The following CLVS1 variants were observed in gnomAD, a reference collection of about 807,000 sequenced individuals.
CLVS1 encodes the protein clavesin 1.
In CLVS1, 10 loss-of-function variants were observed where a neutral mutation model predicts 33.1. The ratio of observed to expected loss-of-function variants is 0.30; its 90% CI spans 0.19 to 0.51. CLVS1 has a LOEUF of 0.51. Ranked by LOEUF, CLVS1 falls within the 20% of genes least tolerant of loss-of-function variation. The probability of loss-of-function intolerance (pLI) is 0.97; values close to 1 mark genes in which losing one functional copy is unlikely to be tolerated. For missense variants in CLVS1, 343 were observed against 433.4 expected, an observed-to-expected ratio of 0.79 and a Z score of 1.85; for synonymous variants, 163 against 166.1, an observed-to-expected ratio of 0.98 and a Z score of 0.14.
intron 2 of CLVS1, among the ~76,000 whole-genome samples, chr8:61,157,463 T>G (rs1806672546): frequency 6.6e-6 from 1 of 152,184 alleles, no homozygotes; most frequent in African/African-American, 2.4e-5. Flanking sequence ...GGGTTAGCTT[T>G]ATAACTTTGA....
chr8:61,109,095 A>C (rs1241505759), intron 1 of CLVS1, among the ~76,000 whole-genome samples: 4 of 151,906 alleles, frequency 2.6e-5, no homozygotes, highest in Non-Finnish European at 5.9e-5. Flanking sequence ...GATCGGGGAG[A>C]GGGATTTGAG....
At chr8:61,046,819 T>G in the CLVS1 span, among the ~76,000 whole-genome samples, 28,659 of 150,734 alleles carry the variant, frequency 0.19, 3,625 homozygotes, top group African/African-American at 0.37. Context: ...AGAATGCTTG[T>G]GATTTTTGTA....
chr8:61,026,981 G>A, the CLVS1 span, among the ~76,000 whole-genome samples: 6 of 152,178 alleles, frequency 3.9e-5, no homozygotes, highest in African/African-American at 9.6e-5. Flanking sequence ...TCTTTCCATC[G>A]TTGCAGCTGT....
chr8:61,043,473 A>G, the CLVS1 span, among the ~76,000 whole-genome samples: 19 of 152,352 alleles, frequency 1.2e-4, no homozygotes, highest in East Asian at 3.3e-3. Context: ...ACTATTACAA[A>G]CAACCAAGTA....
chr8:61,239,817 G>A (rs761668116), intron 2 of CLVS1, among the ~76,000 whole-genome samples: 29 of 152,242 alleles, frequency 1.9e-4, no homozygotes, highest in Middle Eastern at 3.4e-3. Flanking sequence ...AAGCTTTCAC[G>A]CAATATGTAT....
intron 1 of CLVS1, among the ~76,000 whole-genome samples, chr8:61,297,443 G>A (rs921083336): frequency 1.3e-5 from 2 of 152,174 alleles, no homozygotes; most frequent in South Asian, 2.1e-4. Flanking sequence ...CTGATAGTGG[G>A]CGATAAGAGG....
At chr8:61,348,694 T>A (rs1812328840) in intron 2 of CLVS1, among the ~76,000 whole-genome samples, 1 of 152,120 alleles carries the variant, frequency 6.6e-6, no homozygotes, top group Non-Finnish European at 1.5e-5. Flanking sequence ...GGAGTGCAGG[T>A]ATCTCTTCGA....
At chr8:61,114,481 C>A (rs1469961038) in intron 1 of CLVS1, among the ~76,000 whole-genome samples, 1 of 152,228 alleles carries the variant, frequency 6.6e-6, no homozygotes, top group African/African-American at 2.4e-5. Flanking sequence ...GATAAAACCA[C>A]TCTTGCCTTT....
chr8:60,989,926 C>T, the CLVS1 span, among the ~76,000 whole-genome samples: 1 of 151,694 alleles, frequency 6.6e-6, no homozygotes, highest in Non-Finnish European at 1.5e-5. Flanking sequence ...GAGATCGAGA[C>T]CATCCTGGCT....
At chr8:61,061,266 C>A (rs918437460) in intron 1 of CLVS1, among the ~76,000 whole-genome samples, 1 of 152,116 alleles carries the variant, frequency 6.6e-6, no homozygotes, top group Admixed American at 6.5e-5. Flanking sequence ...CAGCTTGACA[C>A]CTTGGTAAGA....
At chr8:61,458,830 TA>T (rs1259188317) in intron 5 of CLVS1, among the ~76,000 whole-genome samples, 4 of 152,134 alleles carry the variant, frequency 2.6e-5, no homozygotes, top group Non-Finnish European at 5.9e-5. Context: ...ACACACAGAA[TA>T]AAATGTTGGA....
At chr8:61,471,108 A>G (rs1374234281) in intron 5 of CLVS1, among the ~76,000 whole-genome samples, 5 of 151,968 alleles carry the variant, frequency 3.3e-5, no homozygotes, top group African/African-American at 7.3e-5. Flanking sequence ...TTTCCTTTCT[A>G]TGTGTCTTCA....
In CLVS1 at chr8:61,329,203, A is replaced by C. The variant is rs184370472; in HGVS notation, c.455+28921A>C. On this transcript the variant is annotated intron_variant, in intron 2 of 5. Coordinates refer to ENST00000325897, the MANE Select transcript of CLVS1 (RefSeq NM_173519.3). ...AGGCAGCATCTTCCTACCCCTCCTC[A>C]TCTCTCTCTCTCTCTCTCTCTCTCT... Among the ~76,000 whole-genome samples, 354 of 145,166 alleles carry C rather than the reference A, an allele frequency of 2.4e-3. 2 individuals are homozygous for C. The highest frequency in any genetic ancestry group is 7.4e-3 in the African/African-American group (294 of 39,806).
chr8:60,982,236 A>G, the CLVS1 span, among the ~76,000 whole-genome samples: 1 of 152,252 alleles, frequency 6.6e-6, no homozygotes, highest in Non-Finnish European at 1.5e-5. Context: ...CTGATTGAAC[A>G]TTATGTTGAA....
chr8:61,434,718 G>C (rs1373378326), intron 3 of CLVS1, among the ~76,000 whole-genome samples: 1 of 152,160 alleles, frequency 6.6e-6, no homozygotes, highest in Non-Finnish European at 1.5e-5. Context: ...GGATTGTGGG[G>C]ACCAAGTTTT....
At chr8:61,011,354 C>T in the CLVS1 span, among the ~76,000 whole-genome samples, 1 of 152,150 alleles carries the variant, frequency 6.6e-6, no homozygotes, top group Non-Finnish European at 1.5e-5. Context: ...TTAGAAAACA[C>T]GTTAAAAAAT....
intron 2 of CLVS1, among the ~76,000 whole-genome samples, chr8:61,225,956 A>G (rs1808319912): frequency 6.6e-6 from 1 of 152,244 alleles, no homozygotes; most frequent in African/African-American, 2.4e-5. Context: ...AAGTATGTCC[A>G]CTACTTCCAA....
chr8:61,381,322 A>G (rs1813868537), intron 3 of CLVS1, among the ~76,000 whole-genome samples: 1 of 152,208 alleles, frequency 6.6e-6, no homozygotes, highest in Non-Finnish European at 1.5e-5. Flanking sequence ...TAGTCCAGGT[A>G]GGATGGAACA....
chr8:61,315,384 C>T (rs1406094701), intron 2 of CLVS1, among the ~76,000 whole-genome samples: 3 of 152,138 alleles, frequency 2.0e-5, no homozygotes, highest in African/African-American at 7.2e-5. Flanking sequence ...GTCTTCCTTC[C>T]ATACTTACTC....
Sources: gnomAD v4.1 joint callset for allele counts (sites outside exome capture counted in the v4.1 genomes callset) on GRCh38, gnomAD v4.1.1 for gene constraint, MANE v1.5 for transcripts, NCBI Gene and HGNC (gene_info 2026-07-23, HGNC 2026-07-21) for gene names.